The following STARD3 variants were observed in gnomAD, a reference collection of about 807,000 sequenced individuals.
The protein encoded by STARD3 is StAR related lipid transfer domain containing 3.
Under a neutral mutation model 62.0 loss-of-function variants are expected in STARD3, and 39 were observed. The ratio of observed to expected loss-of-function variants is 0.63; its 90% CI spans 0.49 to 0.82. The LOEUF is 0.82. Ranked by LOEUF, STARD3 falls within the 40% of genes least tolerant of loss-of-function variation. The pLI is 0.00. For synonymous variants in STARD3, 229 were observed against 242.4 expected, an observed-to-expected ratio of 0.94 and a Z score of 0.51; for missense variants, 543 against 584.5, an observed-to-expected ratio of 0.93 and a Z score of 0.73.
At chr17:39,641,550 G>C (rs919078864) in intron 1 of STARD3, among the ~76,000 whole-genome samples, 2 of 152,148 alleles carry the variant, frequency 1.3e-5, no homozygotes, top group Non-Finnish European at 2.9e-5. Flanking sequence ...TTTGGGCAAA[G>C]TGCTATGCTG....
At chr17:39,645,515 G>C (rs1416525427) in intron 1 of STARD3, among the ~76,000 whole-genome samples, 1 of 152,086 alleles carries the variant, frequency 6.6e-6, no homozygotes, top group East Asian at 1.9e-4. Context: ...TGTCACCCGG[G>C]CGGGGGTGCA....
At chr17:39,638,575 G>A (rs867413750) in intron 1 of STARD3, among the ~76,000 whole-genome samples, 10 of 152,154 alleles carry the variant, frequency 6.6e-5, no homozygotes, top group African/African-American at 1.4e-4. Flanking sequence ...TTCAGCGCAG[G>A]CAGCGCTGCC....
Position 39,640,827 on chromosome 17 carries a change from A to T in STARD3, c.-52+3596A>T, listed in dbSNP as rs532290905. On this transcript the variant is annotated intron_variant, in intron 1 of 14. Coordinates refer to ENST00000336308, the MANE Select transcript of STARD3 (RefSeq NM_006804.4). Reference sequence around the variant, plus strand: ...GCAGAGCCTCCCCGGCTGGGGGGAGAAGTGTGTGGTGGTGAGTCTTGTTTC... The same window carrying T: ...GCAGAGCCTCCCCGGCTGGGGGGAGTAGTGTGTGGTGGTGAGTCTTGTTTC... 2.0e-5 allele frequency among the ~76,000 whole-genome samples: 3 copies of T among 150,646 alleles called. No individual in the cohort carries two copies. In the East Asian group the frequency reaches 5.8e-4, roughly 29 times the overall value.
At chr17:39,661,753 C>T (rs1212637869) in intron 13 of STARD3, among the ~76,000 whole-genome samples, 8 of 152,220 alleles carry the variant, frequency 5.3e-5, no homozygotes. Flanking sequence ...AGCTCACTTC[C>T]TCTCTGGATG....
In STARD3 at chr17:39,663,308, G is replaced by A. The variant is rs888698301; in HGVS notation, c.*400G>A. 2.1e-5 allele frequency: 8 copies of A among 377,034 alleles called. No homozygotes were observed. Among genetic ancestry groups the A allele is most frequent in the Non-Finnish European group, 3.3e-5 (7 of 212,706 alleles). 23.4% of individuals were successfully genotyped at this position (377,034 alleles called of 1,614,324 possible). On this transcript the variant is annotated 3_prime_UTR_variant, in exon 15 of 15. Transcript: ENST00000336308. ...TCTTCATCTGCCTGCGCTCTCGTCG[G>A]TTTTTTTAGGATTATTGAAAGAGTC...
At chr17:39,658,698 C>A (rs1326276929) in intron 6 of STARD3, 24 bp from the exon 7 acceptor site, 3 of 1,613,698 alleles carry the variant, frequency 1.9e-6, no homozygotes, top group South Asian at 2.2e-5. Context: ...TGTCCTCGGT[C>A]CGGGACCGAG....
intron 14 of STARD3, 78 bp from the exon 15 acceptor site, chr17:39,662,726 C>T (rs954560328): frequency 7.3e-7 from 1 of 1,378,854 alleles, no homozygotes; most frequent in African/African-American, 1.5e-5. Flanking sequence ...CCCAGAGCCC[C>T]CCTGCTGGTG....
At chr17:39,658,561 C>G (rs1311914805) in intron 6 of STARD3, 39 bp downstream of exon 6, 1 of 1,596,734 alleles carries the variant, frequency 6.3e-7, no homozygotes, top group Non-Finnish European at 8.6e-7. Flanking sequence ...CGAGGGTTAC[C>G]CACAGCCCCA....
intron 1 of STARD3, among the ~76,000 whole-genome samples, chr17:39,639,828 C>T (rs2056967325): frequency 6.6e-6 from 1 of 152,216 alleles, no homozygotes; most frequent in South Asian, 2.1e-4. Context: ...GTAATGCCCA[C>T]CCTCCTTGCC....
chr17:39,651,451 A>G (rs1290533302), intron 1 of STARD3, among the ~76,000 whole-genome samples: 4 of 152,290 alleles, frequency 2.6e-5, no homozygotes, highest in African/African-American at 2.4e-5. Context: ...CTAGACCCCA[A>G]ACTACTCCCT....
chr17:39,648,265 C>T (rs1023962487), intron 1 of STARD3, among the ~76,000 whole-genome samples: 2 of 151,378 alleles, frequency 1.3e-5, no homozygotes, highest in South Asian at 2.1e-4. Flanking sequence ...CCAGCCTGGG[C>T]GACAGAGTGA....
At chr17:39,658,977 A>C in intron 7 of STARD3, 74 bp from the exon 8 acceptor site, 1 of 1,598,378 alleles carries the variant, frequency 6.3e-7, no homozygotes, top group Admixed American at 1.7e-5. Context: ...TTGCACTCAC[A>C]TACCCGAACC....
At chr17:39,659,326 C>G in intron 8 of STARD3, 135 bp from the exon 9 acceptor site, 1 of 1,022,740 alleles carries the variant, frequency 9.8e-7, no homozygotes, top group East Asian at 2.5e-5. Context: ...CCCAGGGAGA[C>G]CAGCCCAGAT....
Position 39,660,474 on chromosome 17 carries a change from T to C in STARD3, c.902T>C (p.Ile301Thr), listed in dbSNP as rs761881442. The C allele has an allele frequency of 1.9e-6, 3 of 1,613,800 alleles. No homozygotes were observed. In the Admixed American group the frequency reaches 5.0e-5, roughly 27 times the overall value. ...GCGGAGCTCGTGTACCAGGAGGTGA[T>C]CCTGCAGCCCGAGAGGATGGTGCTG... ...CPAELVYQEVILQPERMVLWN... is the reference protein window; with the variant it reads ...CPAELVYQEVTLQPERMVLWN... The change falls in exon 11 of 15, where the codon ATC becomes ACC. Residue 301 changes from isoleucine to threonine, a missense_variant. Ile to Thr is a moderately conservative substitution (Grantham distance 89). Coordinates refer to ENST00000336308, the MANE Select transcript of STARD3 (RefSeq NM_006804.4). The surrounding 1 kb of genome is among the most constrained non-coding windows in gnomAD (Gnocchi z 4.8).
chr17:39,660,552 A>C lies in STARD3; in HGVS notation c.954+26A>C, dbSNP rs757857895. 1 of 1,612,030 alleles carries C rather than the reference A, an allele frequency of 6.2e-7. No homozygotes were observed. On this transcript the variant is annotated intron_variant, in intron 11 of 14. Transcript: ENST00000336308. The surrounding 1 kb of genome is among the most constrained non-coding windows in gnomAD (Gnocchi z 4.8). ...GTGAGCCCAGTCTGGCTGCCTCTTA[A>C]GGCACAGATGGGGGCACAGCCACGC... is the stretch of plus-strand genomic sequence containing the variant.
intron 2 of STARD3, among the ~76,000 whole-genome samples, chr17:39,655,823 A>G (rs1471989564): frequency 1.3e-5 from 2 of 152,020 alleles, no homozygotes; most frequent in Non-Finnish European, 2.9e-5. Context: ...TTGGAGCCAG[A>G]GAGTGGCAAA....
At position 39,659,115 on chromosome 17, in the gene STARD3, C is replaced by T; in HGVS notation, c.702+9C>T. 1.2e-6 allele frequency: 2 copies of T among 1,614,200 alleles called. No homozygotes were observed. Among genetic ancestry groups the T allele is most frequent in the Non-Finnish European group, 1.7e-6 (2 of 1,180,022 alleles). On this transcript the variant is annotated intron_variant, in intron 8 of 14. Coordinates refer to ENST00000336308, the MANE Select transcript of STARD3 (RefSeq NM_006804.4). ...AAAGTTTCTCTGCTCAGGTATTTGCCTGCCTACCCCTAACCCCTGCCCTTG... is the reference window on the plus strand; with the variant it reads ...AAAGTTTCTCTGCTCAGGTATTTGCTTGCCTACCCCTAACCCCTGCCCTTG...
intron 3 of STARD3, among the ~76,000 whole-genome samples, 197 bp downstream of exon 3, chr17:39,657,282 T>C (rs1229660411): frequency 6.6e-6 from 1 of 152,096 alleles, no homozygotes; most frequent in East Asian, 1.9e-4. Flanking sequence ...TCCTAGCACC[T>C]TGGGAGGCTG....
chr17:39,648,421 C>T (rs1014002430), intron 1 of STARD3, among the ~76,000 whole-genome samples: 1 of 152,336 alleles, frequency 6.6e-6, no homozygotes, highest in Middle Eastern at 3.4e-3. Context: ...GAGCCATGTT[C>T]ACGCCTCTGG....
Sources: allele counts gnomAD v4.1 joint callset (sites outside exome capture counted in the v4.1 genomes callset), GRCh38; gene constraint gnomAD v4.1.1; non-coding constraint Gnocchi (gnomAD v3.1); transcripts MANE v1.5; gene names NCBI Gene and HGNC (gene_info 2026-07-23, HGNC 2026-07-21).